Variants in GPC5 observed in about 807,000 individuals in gnomAD.
GPC5 encodes the protein glypican-5.
A neutral mutation model predicts 53.9 loss-of-function variants in GPC5; 47 were observed. The observed-to-expected ratio is 0.87, with a 90% CI of 0.69 to 1.11. The LOEUF is 1.11. Among genes scored for constraint, GPC5 ranks in the 50% most tolerant of loss-of-function variants. The pLI is 0.00. For missense variants in GPC5, 748 were observed against 713.1 expected, an observed-to-expected ratio of 1.05 and a Z score of -0.56; for synonymous variants, 286 against 263.3, an observed-to-expected ratio of 1.09 and a Z score of -0.84.
intron 7 of GPC5, among the ~76,000 whole-genome samples, chr13:92,145,609 CTGAT>C (rs1355564463): frequency 2.0e-5 from 3 of 152,048 alleles, no homozygotes; most frequent in Non-Finnish European, 4.4e-5. Flanking sequence ...ATTTCCCTTC[CTGAT>C]TATCACATAC....
intron 7 of GPC5, among the ~76,000 whole-genome samples, chr13:92,151,296 T>TA (rs1392479789): frequency 6.6e-6 from 1 of 152,120 alleles, no homozygotes; most frequent in Non-Finnish European, 1.5e-5. Context: ...AAGTAGAGTA[T>TA]AATACAGGAA....
intron 7 of GPC5, among the ~76,000 whole-genome samples, chr13:92,702,048 C>T (rs1040724364): frequency 3.3e-5 from 5 of 152,088 alleles, no homozygotes; most frequent in Admixed American, 6.6e-5. Context: ...GGGACGTGCA[C>T]TCTCCAGAGG....
At chr13:91,642,880 T>G (rs1050735062) in intron 2 of GPC5, among the ~76,000 whole-genome samples, 4 of 152,084 alleles carry the variant, frequency 2.6e-5, no homozygotes, top group African/African-American at 4.8e-5. Flanking sequence ...TCAAGTAGTT[T>G]GTTGAGTTTT....
At chr13:91,833,813 A>G (rs1402155421) in intron 5 of GPC5, among the ~76,000 whole-genome samples, 3 of 152,176 alleles carry the variant, frequency 2.0e-5, no homozygotes, top group Non-Finnish European at 4.4e-5. Flanking sequence ...AACGGGAAGC[A>G]TTCCCTTTGA....
At chr13:92,222,639 G>A (rs746856496) in intron 7 of GPC5, among the ~76,000 whole-genome samples, 4 of 151,972 alleles carry the variant, frequency 2.6e-5, no homozygotes, top group Non-Finnish European at 4.4e-5. Flanking sequence ...GTTTTTCTTT[G>A]GGGTGTGTGT....
chr13:92,761,792 C>T (rs919275759), intron 7 of GPC5, among the ~76,000 whole-genome samples: 1 of 151,918 alleles, frequency 6.6e-6, no homozygotes, highest in Non-Finnish European at 1.5e-5. Context: ...ATCTTTTGTT[C>T]CTTGCATTCT....
At chr13:92,048,222 C>A (rs1297994868) in intron 6 of GPC5, among the ~76,000 whole-genome samples, 2 of 151,906 alleles carry the variant, frequency 1.3e-5, no homozygotes, top group African/African-American at 2.4e-5. Context: ...TATGTAATAT[C>A]ATTTTCATAT....
At chr13:91,813,957 G>T (rs1225470377) in intron 5 of GPC5, among the ~76,000 whole-genome samples, 1 of 103,136 alleles carries the variant, frequency 9.7e-6, no homozygotes. Flanking sequence ...TTTTGAGACA[G>T]AGTATTGCTC....
chr13:92,404,988 G>A (rs1254106849), intron 7 of GPC5, among the ~76,000 whole-genome samples: 2 of 150,140 alleles, frequency 1.3e-5, no homozygotes, highest in Non-Finnish European at 3.0e-5. Context: ...TCTTGCCATA[G>A]GCAAATTAAA....
chr13:92,001,039 TTAAG>T (rs1169526090), intron 6 of GPC5, among the ~76,000 whole-genome samples: 1 of 152,162 alleles, frequency 6.6e-6, no homozygotes, highest in Non-Finnish European at 1.5e-5. Context: ...AAACTGTACT[TTAAG>T]TAAGTATGTC....
intron 2 of GPC5, among the ~76,000 whole-genome samples, chr13:91,665,505 CT>C (rs371605806): frequency 5.5e-5 from 8 of 146,190 alleles, no homozygotes; most frequent in Non-Finnish European, 1.0e-4. Context: ...AAAAGCCAGT[CT>C]TTTTTTTTTC....
intron 1 of GPC5, among the ~76,000 whole-genome samples, chr13:91,432,476 A>G (rs1263890058): frequency 6.6e-6 from 1 of 152,164 alleles, no homozygotes; most frequent in Admixed American, 6.6e-5. Context: ...CATTGCTGGA[A>G]AAACTGTACT....
intron 2 of GPC5, among the ~76,000 whole-genome samples, chr13:91,656,361 T>C (rs1160573096): frequency 1.3e-5 from 2 of 152,166 alleles, no homozygotes; most frequent in South Asian, 4.1e-4. Context: ...TATTCAAGAA[T>C]GTATCCATCA....
At chr13:91,793,204 A>G (rs1305607880) in intron 5 of GPC5, among the ~76,000 whole-genome samples, 1 of 152,160 alleles carries the variant, frequency 6.6e-6, no homozygotes, top group Non-Finnish European at 1.5e-5. Flanking sequence ...TCTTCTTCAC[A>G]TGGTGGCAGC....
At chr13:92,637,166 C>G (rs61975874) in intron 7 of GPC5, among the ~76,000 whole-genome samples, 222 of 152,196 alleles carry the variant, frequency 1.5e-3, no homozygotes, top group Non-Finnish European at 2.5e-3. Context: ...TTCCAGATTC[C>G]TGACAAAAAT....
At chr13:92,053,782 C>A (rs951590773) in intron 6 of GPC5, among the ~76,000 whole-genome samples, 3 of 151,854 alleles carry the variant, frequency 2.0e-5, no homozygotes, top group Non-Finnish European at 4.4e-5. Context: ...TGTAATCCAG[C>A]ACTTTGGGAG....
chr13:92,738,705 C>G (rs1049366604), intron 7 of GPC5, among the ~76,000 whole-genome samples: 1 of 152,074 alleles, frequency 6.6e-6, no homozygotes, highest in Non-Finnish European at 1.5e-5. Context: ...TATTCTGTCT[C>G]TCAGACCAAG....
chr13:92,236,674 T>C (rs1172741900), intron 7 of GPC5, among the ~76,000 whole-genome samples: 8 of 152,166 alleles, frequency 5.3e-5, no homozygotes, highest in Admixed American at 4.6e-4. Flanking sequence ...AGACACTTTA[T>C]ATTAATAAGT....
intron 7 of GPC5, among the ~76,000 whole-genome samples, chr13:92,559,935 CA>C (rs1380049856): frequency 2.7e-5 from 4 of 150,934 alleles, no homozygotes; most frequent in Non-Finnish European, 5.9e-5. Context: ...TTCAGGCACC[CA>C]AGAGTTCAGC....
Sources: gnomAD v4.1 joint callset for allele counts (sites outside exome capture counted in the v4.1 genomes callset) on GRCh38, gnomAD v4.1.1 for gene constraint, MANE v1.5 for transcripts, NCBI Gene and HGNC (gene_info 2026-07-23, HGNC 2026-07-21) for gene names.